The following CCDC14 variants were observed in gnomAD, a reference collection of about 807,000 sequenced individuals.
CCDC14 encodes coiled-coil domain containing 14.
Under a neutral mutation model 81.4 loss-of-function variants are expected in CCDC14, and 71 were observed. That is an observed-to-expected ratio of 0.87 (90% CI 0.72 to 1.06). CCDC14 has a LOEUF of 1.06. Ranked by LOEUF, CCDC14 falls within the 50% of genes least tolerant of loss-of-function variation. The pLI is 0.00. For synonymous variants in CCDC14, 332 were observed against 364.8 expected, an observed-to-expected ratio of 0.91 and a Z score of 1.03; for missense variants, 1,046 against 1,047.3, an observed-to-expected ratio of 1.00 and a Z score of 0.02.
chr3:123,893,398 A>G (rs2034016653), downstream of CCDC14, among the ~76,000 whole-genome samples: 1 of 152,212 alleles, frequency 6.6e-6, no homozygotes, highest in African/African-American at 2.4e-5. Context: ...CAGGTAGAAT[A>G]TATCAAAACT....
intron 12 of CCDC14, among the ~76,000 whole-genome samples, chr3:123,917,518 A>C (rs1577227235): frequency 8.2e-6 from 1 of 122,592 alleles, no homozygotes; most frequent in Non-Finnish European, 1.5e-5. Context: ...AACAAAAAAC[A>C]AAAAAACCCA....
Position 123,948,729 on chromosome 3 carries a change from A to G in CCDC14, c.646T>C (p.Ser216Pro). 1 of 1,603,380 alleles carries G rather than the reference A, an allele frequency of 6.2e-7. No homozygotes were observed. The highest frequency in any genetic ancestry group is 8.5e-7 in the Non-Finnish European group (1 of 1,177,404). Residue 216 changes from serine to proline, a missense_variant, in exon 7 of 13, where the codon TCA (serine) becomes CCA (proline). Ser to Pro is a moderately conservative substitution (Grantham distance 74, BLOSUM62 -1). Coordinates refer to ENST00000409697, the MANE Select transcript of CCDC14 (RefSeq NM_001366335.1). ...GGAGGGCAGGGTGGCCGCTGAAGTG[A>G]CCAGACTGGGGTGGAGGTACATAAG... ...YGLCTSTPVWSLQRPPCPPKV... is the reference protein window; with the variant it reads ...YGLCTSTPVWPLQRPPCPPKV...
At chr3:123,932,049 T>C (rs1314116563) in intron 10 of CCDC14, among the ~76,000 whole-genome samples, 1 of 152,224 alleles carries the variant, frequency 6.6e-6, no homozygotes, top group Non-Finnish European at 1.5e-5. Context: ...TTCTTTTTCA[T>C]GGCGATAAAA....
At chr3:123,924,503 A>G (rs75487538) in intron 12 of CCDC14, among the ~76,000 whole-genome samples, 2,953 of 152,258 alleles carry the variant, frequency 0.019, 85 homozygotes, top group African/African-American at 0.066. Flanking sequence ...TGAAGAGACA[A>G]GCCATGGTGT....
chr3:123,954,157 G>GA (rs2037198414), intron 5 of CCDC14: 1 of 152,176 alleles, frequency 6.6e-6, no homozygotes, highest in Non-Finnish European at 1.5e-5. Flanking sequence ...AAAAGTAGGA[G>GA]ACTGGAGGAA....
intron 12 of CCDC14, among the ~76,000 whole-genome samples, chr3:123,917,834 ATT>A (rs2034804120): frequency 6.6e-6 from 1 of 152,056 alleles, no homozygotes; most frequent in Admixed American, 6.5e-5. Context: ...TGGCCCACCA[ATT>A]TATACTTATA....
intron 1 of CCDC14, among the ~76,000 whole-genome samples, chr3:123,959,711 G>A (rs996011952): frequency 3.9e-5 from 6 of 152,068 alleles, no homozygotes; most frequent in African/African-American, 1.4e-4. Context: ...ACTCCTTAGT[G>A]GACAGTGGTA....
At chr3:123,902,427 GA>G in intron 5 of CCDC14, among the ~76,000 whole-genome samples, 1 of 152,330 alleles carries the variant, frequency 6.6e-6, no homozygotes, top group African/African-American at 2.4e-5. Context: ...TCCTGATGGA[GA>G]AACAATCACT....
intron 10 of CCDC14, among the ~76,000 whole-genome samples, chr3:123,932,222 A>G (rs1175046239): frequency 6.6e-6 from 1 of 152,170 alleles, no homozygotes; most frequent in African/African-American, 2.4e-5. Flanking sequence ...AATGATCTCA[A>G]AGAAACAATA....
chr3:123,955,273 A>T (rs992145189), intron 5 of CCDC14: 1 of 152,014 alleles, frequency 6.6e-6, no homozygotes, highest in African/African-American at 2.4e-5. Flanking sequence ...CTAGGCCTCC[A>T]AGGGACAACA....
At chr3:123,888,736 T>A in the CCDC14 span, among the ~76,000 whole-genome samples, 11 of 152,120 alleles carry the variant, frequency 7.2e-5, no homozygotes, top group African/African-American at 2.7e-4. Flanking sequence ...AACCATCAGA[T>A]CTTGTGAGAA....
chr3:123,889,380 C>T, the CCDC14 span, among the ~76,000 whole-genome samples: 2 of 152,086 alleles, frequency 1.3e-5, no homozygotes, highest in African/African-American at 4.8e-5. Context: ...ATACTGCACT[C>T]CTGTCTGGGC....
chr3:123,948,828 T>G, intron 6 of CCDC14, 43 bp from the exon 7 acceptor site: 1 of 1,580,686 alleles, frequency 6.3e-7, no homozygotes, highest in Non-Finnish European at 8.6e-7. Context: ...TATCCTACTT[T>G]TTATACAGTA....
intron 2 of CCDC14, 119 bp downstream of exon 2, chr3:123,956,621 C>T: frequency 1.2e-6 from 1 of 823,106 alleles, no homozygotes; most frequent in Non-Finnish European, 1.9e-6. Context: ...AAAATTGTTC[C>T]TCAGAGCTTG....
chr3:123,933,803 T>A, intron 9 of CCDC14, 48 bp from the exon 10 acceptor site: 1 of 1,277,070 alleles, frequency 7.8e-7, no homozygotes, highest in Non-Finnish European at 1.1e-6. Context: ...CAAGCCAATT[T>A]AATAGTATAC....
chr3:123,897,558 T>C, exon 6 of CCDC14: 1 of 1,150,810 alleles, frequency 8.7e-7, no homozygotes, highest in South Asian at 1.5e-5. Flanking sequence ...TCATGTACTG[T>C]ATTGGGCTTT....
intron 8 of CCDC14, among the ~76,000 whole-genome samples, chr3:123,945,932 A>C (rs1474599190): frequency 1.3e-5 from 2 of 152,160 alleles, no homozygotes; most frequent in Admixed American, 1.3e-4. Flanking sequence ...GGATTAAATG[A>C]GATAATGCAT....
chr3:123,922,874 A>T (rs1160973489), intron 12 of CCDC14, among the ~76,000 whole-genome samples: 1 of 152,150 alleles, frequency 6.6e-6, no homozygotes, highest in Non-Finnish European at 1.5e-5. Flanking sequence ...CTTGTTTTAC[A>T]TAGAAAACAC....
At chr3:123,919,457 A>T (rs1040131091) in intron 12 of CCDC14, among the ~76,000 whole-genome samples, 5 of 152,180 alleles carry the variant, frequency 3.3e-5, no homozygotes, top group East Asian at 1.9e-4. Context: ...ACCCTGCCCA[A>T]TTAGATTCTA....
Sources: gnomAD v4.1 joint callset for allele counts (sites outside exome capture counted in the v4.1 genomes callset) on GRCh38, gnomAD v4.1.1 for gene constraint, MANE v1.5 for transcripts, NCBI Gene and HGNC (gene_info 2026-07-23, HGNC 2026-07-21) for gene names.